Variants in MIER1 observed in about 807,000 individuals in gnomAD.
The protein encoded by MIER1 is mesoderm induction early response protein 1.
Under a neutral mutation model 75.7 loss-of-function variants are expected in MIER1, and 40 were observed. The ratio of observed to expected loss-of-function variants is 0.53; its 90% CI spans 0.41 to 0.69. The LOEUF (loss-of-function observed/expected upper bound fraction) is 0.69, where lower values mean the gene tolerates loss of function less well. MIER1 is among the 30% of genes least tolerant of loss of function. The pLI is 0.00. For synonymous variants in MIER1, 213 were observed against 223.4 expected (o/e 0.95, Z 0.42); for missense variants, 574 against 680.2 (o/e 0.84, Z 1.74).
chr1:66,926,156 C>T lies in MIER1; in HGVS notation c.82C>T (p.Arg28Ter). 6.2e-7 allele frequency: 1 copy of T among 1,613,666 alleles called. No individual in the cohort carries two copies. The highest frequency in any genetic ancestry group is 8.5e-7 in the Non-Finnish European group (1 of 1,179,684). The change falls in exon 2 of 14, where the codon CGA (arginine) becomes TGA (stop). Residue 28 changes from arginine to a stop codon, truncating the protein, a stop_gained. Coordinates refer to ENST00000401041, the MANE Select transcript of MIER1 (RefSeq NM_001077700.3). LOFTEE classifies it high-confidence loss of function. Reference sequence around the variant, plus strand: ...CTTTGATCCAGATGGTGTGGTCGCTCGATTCTCCCAGTGCCTGGCTGAGTT... The same window carrying T: ...CTTTGATCCAGATGGTGTGGTCGCTTGATTCTCCCAGTGCCTGGCTGAGTT... The part of the protein sequence containing the change: ...SSGSGYGVVA[R>*]FSQCLAEFRT...
intron 8 of MIER1, among the ~76,000 whole-genome samples, chr1:66,964,849 A>T (rs1169171687): frequency 6.6e-6 from 1 of 152,144 alleles, no homozygotes; most frequent in Non-Finnish European, 1.5e-5. Context: ...TTTCAACTTA[A>T]TATACACAAA....
intron 8 of MIER1, among the ~76,000 whole-genome samples, chr1:66,964,493 C>T (rs1376252170): frequency 8.2e-5 from 12 of 146,508 alleles, no homozygotes; most frequent in Non-Finnish European, 1.6e-4. Context: ...GCTCTTGTTG[C>T]CCAGGCTGGA....
At chr1:66,975,284 T>G (rs1453162552) in intron 11 of MIER1, among the ~76,000 whole-genome samples, 1 of 152,178 alleles carries the variant, frequency 6.6e-6, no homozygotes, top group Non-Finnish European at 1.5e-5. Flanking sequence ...CTCAGTACTT[T>G]GGGAGGTTGA....
At chr1:66,965,703 A>G (rs901286043) in intron 8 of MIER1, among the ~76,000 whole-genome samples, 5 of 152,172 alleles carry the variant, frequency 3.3e-5, no homozygotes, top group African/African-American at 4.8e-5. Context: ...AAAATGTACA[A>G]TTAAGTTATT....
At chr1:66,982,693 A>C (rs773283811) in intron 13 of MIER1, among the ~76,000 whole-genome samples, 7 of 152,226 alleles carry the variant, frequency 4.6e-5, no homozygotes, top group Non-Finnish European at 8.8e-5. Context: ...AGAAACTGGA[A>C]GAGAAACACT....
intron 2 of MIER1, among the ~76,000 whole-genome samples, chr1:66,936,998 C>CAAAAAAAAAAAAAAAA (rs751644771): frequency 5.9e-5 from 4 of 68,332 alleles, no homozygotes; most frequent in African/African-American, 1.2e-4. Context: ...GACTCCATCT[C>CAAAAAAAAAAAAAAAA]AAAAAAAAAA....
intron 11 of MIER1, among the ~76,000 whole-genome samples, 180 bp downstream of exon 11, chr1:66,973,171 G>A (rs1664045645): frequency 6.6e-6 from 1 of 152,004 alleles, no homozygotes; most frequent in South Asian, 2.1e-4. Context: ...ATAATTACCT[G>A]TTGGTGACTG....
At position 66,984,973 on chromosome 1, in the gene MIER1, T is replaced by C; in HGVS notation, c.*73T>C. Reference sequence around the variant, plus strand: ...AAATTTTCAGGGTTGATGGGTTACCTTAAAAAGTTGATTTCCTTGAAGCAG... The same window carrying C: ...AAATTTTCAGGGTTGATGGGTTACCCTAAAAAGTTGATTTCCTTGAAGCAG... On this transcript the variant is annotated 3_prime_UTR_variant, in exon 14 of 14. Transcript: ENST00000401041. 1 of 1,476,014 alleles carries C rather than the reference T, an allele frequency of 6.8e-7. No individual in the cohort carries two copies. Among genetic ancestry groups the C allele is most frequent in the Non-Finnish European group, 9.0e-7 (1 of 1,115,494 alleles). The allele number at this position is 1,476,014 out of a possible 1,614,324, so 91.4% of individuals were successfully genotyped here.
chr1:66,987,612 CCCATT>C lies in MIER1; in HGVS notation c.*2715_*2719del, dbSNP rs1176274381. 1 of 152,556 alleles carries C rather than the reference CCCATT, an allele frequency of 6.6e-6. No individual in the cohort carries two copies. The highest frequency in any genetic ancestry group is 2.4e-5 in the African/African-American group (1 of 41,436). The allele number at this position is 152,556 out of a possible 1,614,324, so 9.5% of individuals were successfully genotyped here. On this transcript the variant is annotated 3_prime_UTR_variant, in exon 14 of 14. Coordinates refer to ENST00000401041, the MANE Select transcript of MIER1 (RefSeq NM_001077700.3). ...TTGCACTGTAAAATAATTCCCTTCT[CCCATT>C]CCTTGTCTGCCATTCTGAATATGCT... is the stretch of plus-strand genomic sequence containing the variant.
At chr1:66,957,974 G>GAAT in intron 4 of MIER1, 85 bp from the exon 5 acceptor site, 1 of 754,374 alleles carries the variant, frequency 1.3e-6, no homozygotes, top group South Asian at 3.0e-5. Context: ...ACTATAGAAT[G>GAAT]AATACTCCAC....
At position 66,987,276 on chromosome 1, in the gene MIER1, T is replaced by C. The variant is rs575176080; in HGVS notation, c.*2376T>C. 3 of 152,846 alleles carry C rather than the reference T, an allele frequency of 2.0e-5. No homozygotes were observed. Among genetic ancestry groups the C allele is most frequent in the Admixed American group, 1.3e-4 (2 of 15,292 alleles). 9.5% of individuals were successfully genotyped at this position (152,846 alleles called of 1,614,324 possible). A position where few individuals can be genotyped will look rare whatever the true frequency, so the allele number is the denominator to read the frequency against. On this transcript the variant is annotated 3_prime_UTR_variant, in exon 14 of 14. Coordinates refer to ENST00000401041, the MANE Select transcript of MIER1 (RefSeq NM_001077700.3). ...AGTCATTGCACTATTTAAAAAGTTT[T>C]AGTAATATCATGAATTTAATTTGCT...
At chr1:66,939,509 A>G (rs72673707) in intron 2 of MIER1, among the ~76,000 whole-genome samples, 5,253 of 152,220 alleles carry the variant, frequency 0.035, 136 homozygotes, top group Non-Finnish European at 0.054. Flanking sequence ...AAGTTAACCT[A>G]ATATAGTATT....
intron 2 of MIER1, among the ~76,000 whole-genome samples, chr1:66,929,828 A>G: frequency 6.6e-6 from 1 of 152,218 alleles, no homozygotes; most frequent in East Asian, 1.9e-4. Flanking sequence ...AATATTTGTC[A>G]AGGCATAACC....
At chr1:66,966,878 G>C (rs985780542) in intron 8 of MIER1, among the ~76,000 whole-genome samples, 4 of 152,092 alleles carry the variant, frequency 2.6e-5, no homozygotes. Flanking sequence ...TTTTTCAATA[G>C]AGTTGTTTGA....
intron 4 of MIER1, among the ~76,000 whole-genome samples, chr1:66,956,564 G>T (rs1660174304): frequency 6.6e-6 from 1 of 152,146 alleles, no homozygotes; most frequent in South Asian, 2.1e-4. Flanking sequence ...CCAGATACTT[G>T]AACACTTAAA....
At chr1:66,925,348 C>A in intron 1 of MIER1, 2 of 985,466 alleles carry the variant, frequency 2.0e-6, no homozygotes, top group Non-Finnish European at 2.4e-6. Context: ...TTTGCCTTCG[C>A]GGTGGTGGCG....
intron 3 of MIER1, among the ~76,000 whole-genome samples, chr1:66,945,144 G>A (rs184300868): frequency 6.6e-5 from 10 of 151,896 alleles, no homozygotes; most frequent in South Asian, 4.2e-4. Flanking sequence ...GTCATCCTTC[G>A]ATACCTGTAA....
At chr1:66,966,674 T>G (rs1024621981) in intron 8 of MIER1, among the ~76,000 whole-genome samples, 6 of 152,186 alleles carry the variant, frequency 3.9e-5, no homozygotes, top group Middle Eastern at 3.2e-3. Context: ...TGTTCCTATT[T>G]CTCCACATCC....
chr1:66,925,796 TA>T (rs1396735886), intron 1 of MIER1, among the ~76,000 whole-genome samples: 1 of 152,200 alleles, frequency 6.6e-6, no homozygotes, highest in African/African-American at 2.4e-5. Flanking sequence ...TTTCCCTATT[TA>T]AAGCTTCCTC....
Sources: gnomAD v4.1 joint callset for allele counts (sites outside exome capture counted in the v4.1 genomes callset) on GRCh38, gnomAD v4.1.1 for gene constraint, MANE v1.5 for transcripts, NCBI Gene and HGNC (gene_info 2026-07-23, HGNC 2026-07-21) for gene names.